Variants in IKZF2 observed in about 807,000 individuals in gnomAD.
IKZF2 encodes IKAROS family zinc finger 2, also known as zinc finger protein Helios.
IKZF2 carries 15 observed loss-of-function variants against 49.2 expected under a neutral mutation model. The observed-to-expected ratio is 0.30, with a 90% CI of 0.20 to 0.47. The LOEUF (loss-of-function observed/expected upper bound fraction) is 0.47. Ranked by LOEUF, IKZF2 falls within the 20% of genes least tolerant of loss-of-function variation. IKZF2 has a pLI of 1.00. For synonymous variants in IKZF2, 227 were observed against 221.4 expected (o/e 1.03, Z -0.23); for missense variants, 567 against 664.6 (o/e 0.85, Z 1.61).
rs891560687 is a variant in IKZF2, at chr2:213,002,093, T to C, written c.*5267A>G. On this transcript the variant is annotated 3_prime_UTR_variant, in exon 9 of 9. Coordinates refer to ENST00000434687, the MANE Select transcript of IKZF2 (RefSeq NM_001387220.1). Reference sequence around the variant, plus strand: ...GAAGGCCCAATTCACTGCAAACTCATTTATTTGTACCTATATGAACTTATA... The same window carrying C: ...GAAGGCCCAATTCACTGCAAACTCACTTATTTGTACCTATATGAACTTATA... The C allele has an allele frequency of 4.6e-5, 7 of 151,468 alleles. No individual in the cohort carries two copies. The highest frequency in any genetic ancestry group is 1.7e-4 in the African/African-American group (7 of 41,394). 9.4% of individuals were successfully genotyped at this position (151,468 alleles called of 1,614,324 possible). A position where few individuals can be genotyped will look rare whatever the true frequency, so the allele number is the denominator to read the frequency against.
At chr2:213,089,342 CCTT>C (rs1448909438) in intron 4 of IKZF2, among the ~76,000 whole-genome samples, 2 of 152,280 alleles carry the variant, frequency 1.3e-5, no homozygotes, top group East Asian at 3.9e-4. Context: ...TTCACGCAGA[CCTT>C]CTCACTTCAG....
intron 4 of IKZF2, among the ~76,000 whole-genome samples, chr2:213,077,546 C>T (rs1295396747): frequency 2.8e-5 from 4 of 141,900 alleles, no homozygotes; most frequent in South Asian, 2.3e-4. Context: ...TTTAATTGAC[C>T]TTTGGGCTTC....
chr2:213,121,899 A>G (rs1165373794), intron 4 of IKZF2, among the ~76,000 whole-genome samples: 1 of 152,246 alleles, frequency 6.6e-6, no homozygotes, highest in Non-Finnish European at 1.5e-5. Context: ...CTGAAACAGG[A>G]ACATGTGTCT....
In IKZF2 at chr2:213,150,244, C is replaced by T. The variant is rs1384086483; in HGVS notation, c.-116G>A. ...CCCCTCAAAGAGGAGGTGACAATGT[C>T]GGGCTGAAGATAAACGGAGGGAGAA... On this transcript the variant is annotated 5_prime_UTR_variant, in exon 2 of 9. Coordinates refer to ENST00000434687, the MANE Select transcript of IKZF2 (RefSeq NM_001387220.1). 1 of 1,168,714 alleles carries T rather than the reference C, an allele frequency of 8.6e-7. No individual in the cohort carries two copies. Among genetic ancestry groups the T allele is most frequent in the African/African-American group, 1.6e-5 (1 of 63,256 alleles). 72.4% of individuals were successfully genotyped at this position (1,168,714 alleles called of 1,614,324 possible). A position where few individuals can be genotyped will look rare whatever the true frequency, so the allele number is the denominator to read the frequency against.
chr2:213,073,074 G>A (rs1292554665), intron 4 of IKZF2, among the ~76,000 whole-genome samples: 1 of 152,050 alleles, frequency 6.6e-6, no homozygotes. Context: ...TACAGGAATA[G>A]ATGTAAATAT....
chr2:213,007,700 T>G lies in IKZF2; in HGVS notation c.1241A>C (p.His414Pro), dbSNP rs750479476. 3.1e-6 allele frequency: 5 copies of G among 1,613,782 alleles called. No individual in the cohort carries two copies. The highest frequency in any genetic ancestry group is 4.2e-6 in the Non-Finnish European group (5 of 1,179,764). The change falls in exon 9 of 9, where the codon CAT (histidine) becomes CCT (proline). Residue 414 changes from histidine (H) to proline (P), a missense_variant. Physicochemically the swap from His to Pro is moderately conservative, Grantham distance 77. This residue lies in a region of IKZF2 where 310 missense variants were observed against 326.9 expected (regional missense o/e 0.95). Transcript: ENST00000434687. ...TCCTTGGTAGGACTGGTGGTCATCA[T>G]GGCTGCTTTCTGAGTCAGTGGAATC... ...CLDSTDSESSHDDHQSYQGHP... is the reference protein window; with the variant it reads ...CLDSTDSESSPDDHQSYQGHP...
intron 2 of IKZF2, 53 bp downstream of exon 2, chr2:213,150,091 G>A (rs1388772309): frequency 1.9e-6 from 2 of 1,072,184 alleles, no homozygotes; most frequent in African/African-American, 3.3e-5. Context: ...TTAACCCTCA[G>A]AGAAGGAAAG....
intron 6 of IKZF2, among the ~76,000 whole-genome samples, chr2:213,040,300 A>G (rs948423280): frequency 8.7e-5 from 13 of 149,720 alleles, no homozygotes; most frequent in Non-Finnish European, 1.9e-4. Context: ...GGCTAGCACC[A>G]TTAGTTATTT....
chr2:213,068,558 T>A (rs1702369427), intron 4 of IKZF2, among the ~76,000 whole-genome samples: 1 of 152,022 alleles, frequency 6.6e-6, no homozygotes. Flanking sequence ...AATAACAATT[T>A]GTGTAATTGG....
intron 4 of IKZF2, among the ~76,000 whole-genome samples, chr2:213,138,101 G>A (rs1412728601): frequency 1.3e-5 from 2 of 152,102 alleles, no homozygotes; most frequent in Admixed American, 1.3e-4. Flanking sequence ...AAAGCTAATT[G>A]AAGCATTCCA....
At chr2:213,101,431 T>A (rs1000125179) in intron 4 of IKZF2, among the ~76,000 whole-genome samples, 5 of 152,012 alleles carry the variant, frequency 3.3e-5, no homozygotes, top group Non-Finnish European at 7.4e-5. Context: ...TTAGAATAGA[T>A]ACGTTCACTG....
intron 4 of IKZF2, among the ~76,000 whole-genome samples, chr2:213,064,825 C>T (rs1306229234): frequency 6.6e-6 from 1 of 152,000 alleles, no homozygotes; most frequent in Non-Finnish European, 1.5e-5. Context: ...AACTTTCTAA[C>T]TGGTCTCTTT....
intron 4 of IKZF2, chr2:213,097,808 T>C (rs1706193613): frequency 6.0e-6 from 1 of 167,220 alleles, no homozygotes; most frequent in Non-Finnish European, 1.3e-5. Flanking sequence ...CAAATCAAAT[T>C]TTATTTGTAA....
chr2:213,141,832 T>G (rs1224908771), intron 4 of IKZF2, among the ~76,000 whole-genome samples: 1 of 152,014 alleles, frequency 6.6e-6, no homozygotes, highest in Non-Finnish European at 1.5e-5. Flanking sequence ...CTGGCACATA[T>G]GAGGTATCCC....
chr2:213,031,028 G>C (rs1473352187), intron 6 of IKZF2, among the ~76,000 whole-genome samples: 5 of 152,030 alleles, frequency 3.3e-5, no homozygotes, highest in Non-Finnish European at 7.4e-5. Flanking sequence ...GTTTCACCAC[G>C]TTGGCCAGGC....
intron 6 of IKZF2, among the ~76,000 whole-genome samples, chr2:213,036,634 G>A (rs2125229274): frequency 6.6e-6 from 1 of 152,156 alleles, no homozygotes; most frequent in Non-Finnish European, 1.5e-5. Context: ...TTATCCAGTT[G>A]CTTATAATCA....
chr2:213,114,825 A>G (rs1574895709), intron 4 of IKZF2, among the ~76,000 whole-genome samples: 1 of 151,742 alleles, frequency 6.6e-6, no homozygotes, highest in Admixed American at 6.6e-5. Flanking sequence ...CCAGCTACTC[A>G]GGAGGCTGAG....
At chr2:213,127,906 C>T (rs1277137418) in intron 4 of IKZF2, among the ~76,000 whole-genome samples, 4 of 152,066 alleles carry the variant, frequency 2.6e-5, no homozygotes, top group African/African-American at 7.2e-5. Context: ...AAGCATTTCC[C>T]TTCCTAAGAG....
chr2:213,076,339 A>G (rs1454803614), intron 4 of IKZF2, among the ~76,000 whole-genome samples: 10 of 152,178 alleles, frequency 6.6e-5, no homozygotes, highest in Admixed American at 6.5e-4. Context: ...AATAAACACA[A>G]AATTCCTAAA....
Sources: allele counts gnomAD v4.1 joint callset (sites outside exome capture counted in the v4.1 genomes callset), GRCh38; gene constraint gnomAD v4.1.1; regional missense constraint gnomAD v4.1.1; transcripts MANE v1.5; gene names NCBI Gene and HGNC (gene_info 2026-07-23, HGNC 2026-07-21).